The following PPP2R5C variants were observed in gnomAD, a reference collection of about 807,000 sequenced individuals.
PPP2R5C encodes protein phosphatase 2 regulatory subunit B'gamma.
In PPP2R5C, 7 loss-of-function variants were observed where a neutral mutation model predicts 68.9. The ratio of observed to expected loss-of-function variants is 0.10; its 90% confidence interval spans 0.06 to 0.19. The LOEUF is 0.19. Among genes scored for constraint, PPP2R5C ranks in the 10% least tolerant of loss-of-function variants. PPP2R5C has a pLI of 1.00. For synonymous variants in PPP2R5C, 210 were observed against 222.2 expected, an observed-to-expected ratio of 0.95 and a Z score of 0.49; for missense variants, 348 against 641.3, an observed-to-expected ratio of 0.54 and a Z score of 4.94.
intron 2 of PPP2R5C, among the ~76,000 whole-genome samples, chr14:101,770,405 T>C (rs1483621480): frequency 1.3e-5 from 2 of 152,234 alleles, no homozygotes. Flanking sequence ...GGACATCCAG[T>C]GTACTTGGGA....
chr14:101,771,289 C>T (rs893825456), intron 2 of PPP2R5C, among the ~76,000 whole-genome samples: 29 of 150,882 alleles, frequency 1.9e-4, no homozygotes, highest in Admixed American at 1.1e-3. Flanking sequence ...GAGTCTCACC[C>T]TGTCGCCCAG....
At chr14:101,837,697 G>A (rs2041203448) in intron 1 of PPP2R5C, among the ~76,000 whole-genome samples, 1 of 152,194 alleles carries the variant, frequency 6.6e-6, no homozygotes, top group African/African-American at 2.4e-5. Context: ...CCAACCTCTA[G>A]AACACGAGCA....
rs754643663 is a variant in PPP2R5C at position 101,883,559 on chromosome 14, A to T, written c.626A>T (p.Tyr209Phe). 3 of 1,612,676 alleles carry T rather than the reference A, an allele frequency of 1.9e-6. No homozygotes were observed. The highest frequency in any genetic ancestry group is 2.5e-6 in the Non-Finnish European group (3 of 1,179,660). Reference sequence around the variant, plus strand: ...AGAAAACAGATAAATAATATATTTTATAGGTAAGTCACGTGTGGATGGCGT... The same window carrying T: ...AGAAAACAGATAAATAATATATTTTTTAGGTAAGTCACGTGTGGATGGCGT... Residue 209 changes from tyrosine (Y) to phenylalanine (F), a missense_variant, in exon 5 of 14, where the codon TAT (tyrosine) becomes TTT (phenylalanine). Tyr to Phe is a conservative substitution (Grantham distance 22). Transcript: ENST00000334743.
In PPP2R5C at chr14:101,783,404, G is replaced by A. The variant is rs146771949; in HGVS notation, c.94-2614G>A. Among the ~76,000 whole-genome samples the A allele has an allele frequency of 1.5e-3, 229 of 150,942 alleles. 3 individuals are homozygous for A. The East Asian group carries it at 0.03, about 20-fold the overall frequency. On this transcript the variant is annotated intron_variant, in intron 2 of 14. Coordinates refer to the PPP2R5C transcript ENST00000328724. ...TGCCCTCCTGAGCTGATGTCCCATC[G>A]GGGAGGAAGATGCCCCCTCAGAGTT...
chr14:101,847,475 C>G (rs533428381), intron 1 of PPP2R5C, among the ~76,000 whole-genome samples: 1 of 152,238 alleles, frequency 6.6e-6, no homozygotes, highest in East Asian at 1.9e-4. Flanking sequence ...TCTCCCTGAG[C>G]CTTCATCCGC....
intron 2 of PPP2R5C, among the ~76,000 whole-genome samples, chr14:101,869,911 G>A (rs543169548): frequency 6.6e-6 from 1 of 152,216 alleles, no homozygotes; most frequent in South Asian, 2.1e-4. Flanking sequence ...CTCAGCCTAT[G>A]AAGGTGCTGG....
chr14:101,814,652 GT>G (rs2140219195), intron 1 of PPP2R5C, among the ~76,000 whole-genome samples: 1 of 152,280 alleles, frequency 6.6e-6, no homozygotes, highest in Non-Finnish European at 1.5e-5. Context: ...AAAGTATGTT[GT>G]GTAGAGGAAT....
At chr14:101,784,513 G>A (rs72715638) in intron 2 of PPP2R5C, among the ~76,000 whole-genome samples, 6 of 150,684 alleles carry the variant, frequency 4.0e-5, no homozygotes, top group African/African-American at 7.3e-5. Context: ...GAGAAAGTGG[G>A]GGGGGGGAAC....
chr14:101,877,406 C>T lies in PPP2R5C; in HGVS notation c.295-4755C>T, dbSNP rs963713081. Among the ~76,000 whole-genome samples the T allele has an allele frequency of 2.0e-5, 3 of 152,086 alleles. No homozygotes were observed. The highest frequency in any genetic ancestry group is 2.9e-5 in the Non-Finnish European group (2 of 68,004). On this transcript the variant is annotated intron_variant, in intron 2 of 13. Transcript: ENST00000334743. The surrounding 1 kb of genome is among the most constrained non-coding windows in gnomAD (Gnocchi z 4.2). ...TTCTGCGTCTGTGCCTCTGGGTGTG[C>T]GCTGGATCCGTAGGTCTCATTTGAG...
chr14:101,906,652 C>T lies in PPP2R5C; in HGVS notation c.1151+123C>T, dbSNP rs564658795. 7.8e-7 allele frequency: 1 copy of T among 1,281,208 alleles called. No homozygotes were observed. The highest frequency in any genetic ancestry group is 1.5e-5 in the African/African-American group (1 of 65,868). 79.4% of individuals were successfully genotyped at this position (1,281,208 alleles called of 1,614,324 possible). A position where few individuals can be genotyped will look rare whatever the true frequency, so the allele number is the denominator to read the frequency against. ...AATTAAAAAACAAGAAGGTCAGTTG[C>T]TTTGTGGACTCATAAATTAAGTAGC... is the stretch of plus-strand genomic sequence containing the variant. On this transcript the variant is annotated intron_variant, in intron 10 of 13. Coordinates refer to ENST00000334743, the Ensembl canonical transcript of PPP2R5C. The surrounding 1 kb of genome is among the most constrained non-coding windows in gnomAD (Gnocchi z 4.0).
At chr14:101,806,090 TA>T (rs1248076545), upstream of PPP2R5C, among the ~76,000 whole-genome samples, 3 of 152,194 alleles carry the variant, frequency 2.0e-5, no homozygotes, top group South Asian at 2.1e-4. Flanking sequence ...TTTTTATTTT[TA>T]TTTTTTTGTT....
chr14:101,817,973 T>C (rs1477492358), intron 1 of PPP2R5C: 1 of 152,266 alleles, frequency 6.6e-6, no homozygotes, highest in Non-Finnish European at 1.5e-5. Flanking sequence ...AGCTGTATTA[T>C]CTGTATTTGT....
intron 3 of PPP2R5C, among the ~76,000 whole-genome samples, chr14:101,795,532 A>G (rs2140112337): frequency 6.6e-6 from 1 of 151,900 alleles, no homozygotes; most frequent in South Asian, 2.1e-4. Flanking sequence ...TAAGATACTT[A>G]TAGGAAGAGT....
intron 2 of PPP2R5C, among the ~76,000 whole-genome samples, chr14:101,770,424 G>A (rs1249091897): frequency 6.6e-6 from 1 of 152,162 alleles, no homozygotes; most frequent in Non-Finnish European, 1.5e-5. Context: ...GAGTAACTTG[G>A]CCCCCACTCA....
intron 2 of PPP2R5C, among the ~76,000 whole-genome samples, chr14:101,881,569 A>G (rs1020802063): frequency 2.0e-5 from 3 of 152,330 alleles, no homozygotes; most frequent in African/African-American, 7.2e-5. Context: ...GCGCACAGCC[A>G]TGCTGCCCCT....
intron 5 of PPP2R5C, among the ~76,000 whole-genome samples, chr14:101,885,283 A>AC (rs973665784): frequency 1.5e-4 from 23 of 150,428 alleles, no homozygotes; most frequent in African/African-American, 4.2e-4. Context: ...GGCAGATGAG[A>AC]CCCCCCCTGC....
chr14:101,886,568 T>TA (rs1219038828), intron 5 of PPP2R5C, among the ~76,000 whole-genome samples: 1 of 152,200 alleles, frequency 6.6e-6, no homozygotes, highest in South Asian at 2.1e-4. Context: ...ATTGTCCTGA[T>TA]ACGCGCAGTC....
intron 1 of PPP2R5C, among the ~76,000 whole-genome samples, chr14:101,817,052 G>GTT (rs1200694995): frequency 2.0e-5 from 3 of 150,038 alleles, no homozygotes; most frequent in Admixed American, 1.3e-4. Flanking sequence ...CCGCCTCCTG[G>GTT]GTTCAAGCAA....
At chr14:101,833,862 C>T (rs771892038) in intron 1 of PPP2R5C, among the ~76,000 whole-genome samples, 1 of 152,166 alleles carries the variant, frequency 6.6e-6, no homozygotes, top group Non-Finnish European at 1.5e-5. Flanking sequence ...AGTGCAGTGG[C>T]GCGATCTCAG....
Sources: allele counts gnomAD v4.1 joint callset (sites outside exome capture counted in the v4.1 genomes callset), GRCh38; gene constraint gnomAD v4.1.1; non-coding constraint Gnocchi (gnomAD v3.1); transcripts MANE v1.5; gene names NCBI Gene and HGNC (gene_info 2026-07-23, HGNC 2026-07-21).